TMC2: variants seen among roughly 807,000 people sequenced by gnomAD.
TMC2 encodes the protein transmembrane channel-like protein 2.
TMC2 carries 102 observed loss-of-function variants against 105.9 expected under a neutral mutation model. The ratio of observed to expected loss-of-function variants is 0.96; its 90% CI spans 0.82 to 1.14. The LOEUF is 1.14. TMC2 is among the 50% of genes most tolerant of loss of function. The pLI, the probability that TMC2 is intolerant of heterozygous loss-of-function variation, is 0.00. For synonymous variants in TMC2, 402 were observed against 422.8 expected (o/e 0.95, Z 0.60); for missense variants, 1,093 against 1,134.3 (o/e 0.96, Z 0.52).
intron 16 of TMC2, among the ~76,000 whole-genome samples, chr20:2,622,495 C>G (rs1389848631): frequency 6.6e-6 from 1 of 152,118 alleles, no homozygotes; most frequent in East Asian, 1.9e-4. Context: ...TGGCGAAACC[C>G]CGTCTCTACT....
Position 2,558,775 on chromosome 20 carries a change from G to A in TMC2, c.401+1G>A. The A allele has an allele frequency of 6.5e-7, 1 of 1,536,326 alleles. No homozygotes were observed. Among genetic ancestry groups the A allele is most frequent in the Non-Finnish European group, 8.7e-7 (1 of 1,144,164 alleles). Reference sequence around the variant, plus strand: ...AGTCGAAGCGGCAGAAGAAACCCAGGTGTGTTGTGGCTCCGATTCTGGGCA... The same window carrying A: ...AGTCGAAGCGGCAGAAGAAACCCAGATGTGTTGTGGCTCCGATTCTGGGCA... On this transcript the variant is annotated splice_donor_variant, in intron 3 of 19. Coordinates refer to ENST00000358864, the MANE Select transcript of TMC2 (RefSeq NM_080751.3). LOFTEE classifies it high-confidence loss of function. This position sits in a 1 kb window ranked among gnomAD's most constrained non-coding sequence, Gnocchi z 4.6.
chr20:2,558,462 G>T lies in TMC2; in HGVS notation c.89G>T (p.Arg30Met). The change falls in exon 3 of 20, where the codon AGG becomes ATG. Residue 30 changes from arginine to methionine, a missense_variant. Arg to Met is a moderately conservative substitution (Grantham distance 91). Transcript: ENST00000358864. The surrounding 1 kb of genome is among the most constrained non-coding windows in gnomAD (Gnocchi z 4.6). ...CATTTTCCCGCCCCGGCAGGTGACA[G>T]GCTGGGAAGGAGATCCTCAAGCAAG... ...VKSGSPHTGD[R>M]LGRRSSSKRA... 6.4e-7 allele frequency: 1 copy of T among 1,555,942 alleles called. No individual in the cohort carries two copies. Among genetic ancestry groups the T allele is most frequent in the Admixed American group, 1.9e-5 (1 of 51,664 alleles).
intron 10 of TMC2, among the ~76,000 whole-genome samples, chr20:2,598,469 T>C (rs1325407404): frequency 6.6e-6 from 1 of 151,866 alleles, no homozygotes; most frequent in African/African-American, 2.4e-5. Flanking sequence ...GGGTGGAGTG[T>C]AGTGGCAAAA....
chr20:2,558,624 G>A lies in TMC2; in HGVS notation c.251G>A (p.Gly84Glu), dbSNP rs1331722575. The A allele has an allele frequency of 5.8e-6, 9 of 1,564,084 alleles. No individual in the cohort carries two copies. In the East Asian group the frequency reaches 2.1e-4, roughly 37 times the overall value. The change falls in exon 3 of 20, where the codon GGG becomes GAG. Residue 84 changes from glycine (G) to glutamate (E), a missense_variant. By Grantham distance (98) the Gly-to-Glu change is moderately conservative. Transcript: ENST00000358864. This position sits in a 1 kb window ranked among gnomAD's most constrained non-coding sequence, Gnocchi z 4.6. The stretch of plus-strand genomic sequence containing the variant: ...CGCAGGAGACACAGAGAAGAGCTGG[G>A]GGAGCAGGAGCGGGGCGAGGCAGAG... ...TGRRRHREEL[G>E]EQERGEAERT... is the part of the protein sequence containing the mutation.
At chr20:2,613,070 A>C in intron 13 of TMC2, 124 bp from the exon 14 acceptor site, 1 of 1,304,552 alleles carries the variant, frequency 7.7e-7, no homozygotes, top group Non-Finnish European at 1.0e-6. Context: ...AAAGGATCAG[A>C]GGGTCACAGA....
chr20:2,597,618 G>A (rs1373484371), intron 10 of TMC2, among the ~76,000 whole-genome samples: 2 of 151,910 alleles, frequency 1.3e-5, no homozygotes, highest in Non-Finnish European at 2.9e-5. Context: ...CTCCCGAGTA[G>A]CTGGGACTAC....
intron 2 of TMC2, among the ~76,000 whole-genome samples, chr20:2,552,315 T>G (rs1012935864): frequency 9.8e-5 from 15 of 152,312 alleles, no homozygotes; most frequent in African/African-American, 3.6e-4. Context: ...AATAATTTGC[T>G]GGGATTTTGA....
chr20:2,583,442 C>A (rs986509215), intron 7 of TMC2, among the ~76,000 whole-genome samples: 6 of 151,662 alleles, frequency 4.0e-5, no homozygotes, highest in Admixed American at 3.3e-4. Context: ...GTCCAGCAAC[C>A]CAGCAACAAC....
intron 7 of TMC2, among the ~76,000 whole-genome samples, chr20:2,589,159 G>A (rs1326574966): frequency 6.6e-6 from 1 of 151,960 alleles, no homozygotes; most frequent in African/African-American, 2.4e-5. Context: ...TCCTCTGGTG[G>A]GAGAACTAAG....
intron 2 of TMC2, among the ~76,000 whole-genome samples, chr20:2,539,197 G>T (rs758894487): frequency 6.6e-5 from 10 of 152,216 alleles, no homozygotes; most frequent in Non-Finnish European, 1.3e-4. Flanking sequence ...TAGCAAGACA[G>T]CTGCCTTTCC....
intron 16 of TMC2, among the ~76,000 whole-genome samples, chr20:2,620,287 A>G (rs887939815): frequency 1.3e-5 from 2 of 152,240 alleles, no homozygotes; most frequent in African/African-American, 4.8e-5. Flanking sequence ...AGCCTTATCT[A>G]GATTGCAAAA....
chr20:2,608,132 A>AAG (rs2086407344), intron 11 of TMC2, among the ~76,000 whole-genome samples: 1 of 147,678 alleles, frequency 6.8e-6, no homozygotes, highest in African/African-American at 2.6e-5. Flanking sequence ...TAAAAAAAAA[A>AAG]AAAAGAAAAA....
intron 5 of TMC2, among the ~76,000 whole-genome samples, 191 bp downstream of exon 5, chr20:2,572,460 A>G (rs539838658): frequency 1.3e-5 from 2 of 152,294 alleles, no homozygotes; most frequent in East Asian, 1.9e-4. Flanking sequence ...ATTTCTCCAT[A>G]CTTACTGTGA....
At chr20:2,576,939 C>T (rs1231985958) in intron 5 of TMC2, among the ~76,000 whole-genome samples, 1 of 140,592 alleles carries the variant, frequency 7.1e-6, no homozygotes, top group Non-Finnish European at 1.5e-5. Flanking sequence ...GATGGAGTCT[C>T]GCTCTGTCAC....
chr20:2,554,034 G>A (rs1026288165), intron 2 of TMC2, among the ~76,000 whole-genome samples: 9 of 151,988 alleles, frequency 5.9e-5, no homozygotes, highest in East Asian at 1.9e-4. Context: ...ACAGGCACCC[G>A]CCACCATACC....
chr20:2,569,323 C>T (rs2086086710), intron 4 of TMC2, among the ~76,000 whole-genome samples: 1 of 152,170 alleles, frequency 6.6e-6, no homozygotes, highest in African/African-American at 2.4e-5. Context: ...GTTTCTCATC[C>T]AACTTTAACA....
At chr20:2,639,548 T>G (rs766084531) in intron 19 of TMC2, among the ~76,000 whole-genome samples, 10 of 152,202 alleles carry the variant, frequency 6.6e-5, no homozygotes, top group Non-Finnish European at 1.5e-4. Context: ...CGTCTAGGTT[T>G]GGGTAAGTAC....
At chr20:2,612,491 C>T in intron 13 of TMC2, 151 bp downstream of exon 13, 1 of 745,670 alleles carries the variant, frequency 1.3e-6, no homozygotes, top group South Asian at 5.0e-5. Context: ...AATAAAATGA[C>T]CAAAGCAGAT....
chr20:2,572,728 G>T (rs369800373), intron 5 of TMC2, among the ~76,000 whole-genome samples: 5 of 152,222 alleles, frequency 3.3e-5, no homozygotes, highest in East Asian at 3.9e-4. Flanking sequence ...AATGTTTCAT[G>T]TTGGATATTT....
Sources: allele counts gnomAD v4.1 joint callset (sites outside exome capture counted in the v4.1 genomes callset), GRCh38; gene constraint gnomAD v4.1.1; non-coding constraint Gnocchi (gnomAD v3.1); transcripts MANE v1.5; gene names NCBI Gene and HGNC (gene_info 2026-07-23, HGNC 2026-07-21).